Variants in DYM observed in about 807,000 individuals in gnomAD.
The protein encoded by DYM is dyggve-Melchior-Clausen syndrome protein.
DYM carries 78 observed loss-of-function variants against 93.1 expected under a neutral mutation model. That is an observed-to-expected ratio of 0.84 (90% CI 0.70 to 1.01). The LOEUF is 1.01. DYM is among the 50% of genes least tolerant of loss of function. DYM has a pLI of 0.00. For synonymous variants in DYM, 321 were observed against 319.7 expected (o/e 1.00, Z -0.04); for missense variants, 789 against 845.0 (o/e 0.93, Z 0.82).
intron 2 of DYM, among the ~76,000 whole-genome samples, chr18:49,428,031 T>C (rs780888895): frequency 5.6e-4 from 85 of 151,534 alleles, no homozygotes; most frequent in Non-Finnish European, 9.3e-4. Context: ...TTCAAGGCTA[T>C]AGTGAGCTAC....
chr18:49,187,452 A>G (rs1156844995), intron 14 of DYM, among the ~76,000 whole-genome samples: 1 of 152,254 alleles, frequency 6.6e-6, no homozygotes, highest in African/African-American at 2.4e-5. Context: ...AGCTAGTATA[A>G]TGAGCTAAGG....
chr18:49,335,145 A>T (rs944910841), intron 6 of DYM, among the ~76,000 whole-genome samples: 9 of 152,150 alleles, frequency 5.9e-5, no homozygotes, highest in South Asian at 2.1e-4. Context: ...AAATATATTT[A>T]AAAATGACAT....
chr18:49,210,401 T>G (rs2092725029), intron 13 of DYM, among the ~76,000 whole-genome samples: 1 of 152,112 alleles, frequency 6.6e-6, no homozygotes, highest in Non-Finnish European at 1.5e-5. Flanking sequence ...TATGAAGTCA[T>G]GAAAAGACAT....
chr18:49,108,544 G>A lies in DYM; in HGVS notation c.1911+10200C>T, dbSNP rs561249853. ...GAGCTGTTCCTATTCGGCCATCTTG[G>A]CTCTTCTTACTGATTTCTATTCAAT... On this transcript the variant is annotated intron_variant, in intron 16 of 17. Coordinates refer to ENST00000675505, the MANE Select transcript of DYM (RefSeq NM_001353214.3). Among the ~76,000 whole-genome samples the A allele has an allele frequency of 3.3e-5, 5 of 152,292 alleles. No homozygotes were observed. In the South Asian group the frequency reaches 8.3e-4, roughly 25 times the overall value.
At chr18:49,264,555 A>G (rs2094540285) in intron 11 of DYM, among the ~76,000 whole-genome samples, 1 of 152,204 alleles carries the variant, frequency 6.6e-6, no homozygotes, top group Admixed American at 6.5e-5. Flanking sequence ...TAGGCACAGA[A>G]TATTTCAGTT....
chr18:49,384,449 A>C (rs2068377654), intron 3 of DYM, among the ~76,000 whole-genome samples: 1 of 151,950 alleles, frequency 6.6e-6, no homozygotes, highest in South Asian at 2.1e-4. Context: ...AATATGGTGA[A>C]ACCCCATCTC....
intron 6 of DYM, among the ~76,000 whole-genome samples, chr18:49,352,641 A>C (rs2065210202): frequency 6.6e-6 from 1 of 152,214 alleles, no homozygotes; most frequent in Non-Finnish European, 1.5e-5. Context: ...AAACTCATAG[A>C]ACTGAACAAT....
intron 6 of DYM, among the ~76,000 whole-genome samples, chr18:49,338,370 C>G (rs998353438): frequency 6.6e-6 from 1 of 152,162 alleles, no homozygotes; most frequent in African/African-American, 2.4e-5. Context: ...AGAAAGTCAA[C>G]GAATCACAAC....
chr18:49,237,452 T>C (rs1286123955), intron 13 of DYM, among the ~76,000 whole-genome samples: 1 of 152,156 alleles, frequency 6.6e-6, no homozygotes, highest in Non-Finnish European at 1.5e-5. Flanking sequence ...TCATCTAGAG[T>C]GTTATACAAC....
At chr18:49,196,901 G>C (rs1363687428) in intron 14 of DYM, among the ~76,000 whole-genome samples, 1 of 152,160 alleles carries the variant, frequency 6.6e-6, no homozygotes, top group South Asian at 2.1e-4. Context: ...AGGACTGTCT[G>C]AGCTAGGGTG....
At chr18:49,379,906 G>A (rs2067878807) in intron 3 of DYM, 148 bp from the exon 4 acceptor site, 20 of 660,884 alleles carry the variant, frequency 3.0e-5, no homozygotes, top group Non-Finnish European at 5.3e-5. Flanking sequence ...AGAGAACTAA[G>A]CAATGAGAGA....
In DYM at chr18:49,043,328, C is replaced by G. The variant is rs1443619364; in HGVS notation, c.*727G>C. On this transcript the variant is annotated 3_prime_UTR_variant, in exon 18 of 18. Transcript: ENST00000675505. Reference sequence around the variant, plus strand: ...AGTTTTTTGTAGAGATGGGATCTCACTATGTTGCCCAAGCTGGTTTCAGAT... The same window carrying G: ...AGTTTTTTGTAGAGATGGGATCTCAGTATGTTGCCCAAGCTGGTTTCAGAT... 6.6e-6 allele frequency: 1 copy of G among 152,176 alleles called. No homozygotes were observed. 9.4% of individuals were successfully genotyped at this position (152,176 alleles called of 1,614,324 possible). A position where few individuals can be genotyped will look rare whatever the true frequency, so the allele number is the denominator to read the frequency against.
chr18:49,327,662 T>C (rs1003496980), intron 8 of DYM, among the ~76,000 whole-genome samples: 9 of 152,100 alleles, frequency 5.9e-5, no homozygotes, highest in African/African-American at 2.2e-4. Flanking sequence ...TGGCATCTAC[T>C]CTATACATCT....
chr18:49,162,633 T>C (rs765232309), intron 15 of DYM, among the ~76,000 whole-genome samples: 33 of 152,200 alleles, frequency 2.2e-4, no homozygotes, highest in Non-Finnish European at 3.8e-4. Context: ...CATTCAACCG[T>C]AGCAGTTGGT....
At chr18:49,139,347 GTAC>G (rs2084206556) in intron 15 of DYM, among the ~76,000 whole-genome samples, 1 of 152,076 alleles carries the variant, frequency 6.6e-6, no homozygotes, top group African/African-American at 2.4e-5. Context: ...GAAATAATGT[GTAC>G]TATTATTTTA....
intron 17 of DYM, among the ~76,000 whole-genome samples, chr18:49,073,639 C>A (rs1456215486): frequency 6.6e-6 from 1 of 152,178 alleles, no homozygotes; most frequent in East Asian, 1.9e-4. Flanking sequence ...TTAAATTCAC[C>A]CTGCAAACCC....
At chr18:49,320,033 C>T (rs2062342239) in intron 8 of DYM, among the ~76,000 whole-genome samples, 1 of 152,146 alleles carries the variant, frequency 6.6e-6, no homozygotes, top group Non-Finnish European at 1.5e-5. Context: ...TATAAAGCAT[C>T]ATCATTCCGT....
chr18:49,277,785 C>T (rs540359725), intron 10 of DYM, among the ~76,000 whole-genome samples: 77 of 152,328 alleles, frequency 5.1e-4, no homozygotes, highest in Non-Finnish European at 7.6e-4. Flanking sequence ...TGTTTAAGCA[C>T]CAGTCTATGG....
intron 3 of DYM, among the ~76,000 whole-genome samples, chr18:49,386,125 A>C (rs1399278614): frequency 1.3e-5 from 2 of 152,146 alleles, no homozygotes; most frequent in African/African-American, 4.8e-5. Context: ...AAACTCTTTT[A>C]AAAGGCAAAG....
Sources: gnomAD v4.1 joint callset for allele counts (sites outside exome capture counted in the v4.1 genomes callset) on GRCh38, gnomAD v4.1.1 for gene constraint, MANE v1.5 for transcripts, NCBI Gene and HGNC (gene_info 2026-07-23, HGNC 2026-07-21) for gene names.